Variants in PITPNM3 observed in about 807,000 individuals in gnomAD.
PITPNM3 encodes the protein membrane-associated phosphatidylinositol transfer protein 3.
Under a neutral mutation model 102.0 loss-of-function variants are expected in PITPNM3, and 26 were observed. The ratio of observed to expected loss-of-function variants is 0.25; its 90% CI spans 0.19 to 0.35. The LOEUF (loss-of-function observed/expected upper bound fraction) is 0.35, where lower values mean the gene tolerates loss of function less well. Among genes scored for constraint, PITPNM3 ranks in the 10% least tolerant of loss-of-function variants. The probability of loss-of-function intolerance (pLI) is 1.00; values close to 1 mark genes in which losing one functional copy is unlikely to be tolerated. For missense variants in PITPNM3, 1,083 were observed against 1,346.1 expected, an observed-to-expected ratio of 0.80 and a Z score of 3.06; for synonymous variants, 578 against 558.6, an observed-to-expected ratio of 1.03 and a Z score of -0.49.
At chr17:6,473,228 C>T in intron 10 of PITPNM3, 2 of 324,016 alleles carry the variant, frequency 6.2e-6, no homozygotes, top group South Asian at 5.4e-5. Flanking sequence ...GGTCAGCTGC[C>T]CCTTCCACAG....
At chr17:6,543,457 G>A (rs1003694736) in intron 1 of PITPNM3, among the ~76,000 whole-genome samples, 27 of 152,274 alleles carry the variant, frequency 1.8e-4, no homozygotes, top group African/African-American at 5.8e-4. Flanking sequence ...GTCCTCAGGC[G>A]AAGGGAGATG....
rs58283124 is a variant in PITPNM3 at position 6,457,072 on chromosome 17, G to GCC, written c.2619+520_2619+521dup. 1.2e-4 allele frequency among the ~76,000 whole-genome samples: 18 copies of GCC among 149,828 alleles called. No homozygotes were observed. Among genetic ancestry groups the GCC allele is most frequent in the South Asian group, 6.4e-4 (3 of 4,674 alleles). ...TGGCCGCACTGACCGTTCTAGCCCCGCCCCCCCACCTCCCAGCTCACGTCC... is the reference window on the plus strand; with the variant it reads ...TGGCCGCACTGACCGTTCTAGCCCCGCCCCCCCCCACCTCCCAGCTCACGTCC... On this transcript the variant is annotated intron_variant, in intron 19 of 19. Transcript: ENST00000262483. The surrounding 1 kb of genome is among the most constrained non-coding windows in gnomAD (Gnocchi z 4.7).
At chr17:6,535,615 A>C (rs1311059437) in intron 2 of PITPNM3, among the ~76,000 whole-genome samples, 1 of 152,020 alleles carries the variant, frequency 6.6e-6, no homozygotes, top group Non-Finnish European at 1.5e-5. Context: ...TCCCGAAAAA[A>C]GGGAGAAGAA....
In PITPNM3 at chr17:6,463,832, T is replaced by A. The variant is rs1382672138; in HGVS notation, c.2206A>T (p.Met736Leu). ...MSYLTVLPRG[M>L]ECVVFSIDGS... is the part of the protein sequence containing the mutation. ...TCAATGCTGAACACTACACACTCCATGCCCCTGGGCAACACCGTGAGGTAG... is the reference window on the plus strand; with the variant it reads ...TCAATGCTGAACACTACACACTCCAAGCCCCTGGGCAACACCGTGAGGTAG... Residue 736 changes from methionine to leucine, a missense_variant, in exon 17 of 20, where the codon ATG becomes TTG. By Grantham distance (15) the Met-to-Leu change is conservative. Transcript: ENST00000262483. The A allele has an allele frequency of 6.2e-7, 1 of 1,613,858 alleles. No homozygotes were observed. The highest frequency in any genetic ancestry group is 1.7e-5 in the Admixed American group (1 of 60,000).
intron 3 of PITPNM3, chr17:6,521,206 G>A (rs1445639415): frequency 6.6e-6 from 1 of 152,300 alleles, no homozygotes; most frequent in Non-Finnish European, 1.5e-5. Context: ...GAGGTCAGGA[G>A]TTCAAGACTA....
chr17:6,554,970 C>T (rs562962094), intron 1 of PITPNM3, among the ~76,000 whole-genome samples: 1 of 152,282 alleles, frequency 6.6e-6, no homozygotes, highest in South Asian at 2.1e-4. Context: ...CGTCCCAGTG[C>T]ACACACACAC....
At chr17:6,463,632 T>C (rs1904608282) in intron 17 of PITPNM3, 100 bp downstream of exon 17, 2 of 1,486,114 alleles carry the variant, frequency 1.3e-6, no homozygotes, top group South Asian at 2.4e-5. Context: ...CAGAGACCGG[T>C]AGAATTCCTA....
chr17:6,486,349 C>T (rs529690604), intron 4 of PITPNM3, among the ~76,000 whole-genome samples: 61 of 152,296 alleles, frequency 4.0e-4, no homozygotes, highest in African/African-American at 1.4e-3. Flanking sequence ...CTGCTGCTCC[C>T]CTCTAGGAGT....
At chr17:6,534,769 T>C (rs1909323901) in intron 2 of PITPNM3, among the ~76,000 whole-genome samples, 1 of 152,078 alleles carries the variant, frequency 6.6e-6, no homozygotes, top group Non-Finnish European at 1.5e-5. Context: ...CTCTGGTCAT[T>C]TTTGTATCAG....
intron 4 of PITPNM3, among the ~76,000 whole-genome samples, chr17:6,501,211 G>A (rs1268678326): frequency 6.6e-6 from 1 of 152,158 alleles, no homozygotes; most frequent in Non-Finnish European, 1.5e-5. Flanking sequence ...TGCTCAGAAG[G>A]GGAGATGATT....
chr17:6,456,428 C>T (rs73346333), intron 19 of PITPNM3, among the ~76,000 whole-genome samples: 10,040 of 152,180 alleles, frequency 0.066, 601 homozygotes, highest in East Asian at 0.17. Flanking sequence ...TTTCTGAGCC[C>T]TGCGACTGCC....
chr17:6,530,888 C>T (rs1345608926), intron 2 of PITPNM3, among the ~76,000 whole-genome samples: 1 of 152,204 alleles, frequency 6.6e-6, no homozygotes, highest in African/African-American at 2.4e-5. Flanking sequence ...CAGAGCCTTG[C>T]AAGGCCATGG....
At chr17:6,497,797 C>T (rs572220363) in intron 4 of PITPNM3, among the ~76,000 whole-genome samples, 2 of 152,338 alleles carry the variant, frequency 1.3e-5, no homozygotes, top group Admixed American at 6.5e-5. Context: ...ACTTCAAGGG[C>T]CACAATAGAC....
Position 6,462,119 on chromosome 17 carries a change from G to A in PITPNM3, c.2307-563C>T, listed in dbSNP as rs572773498. On this transcript the variant is annotated intron_variant, in intron 17 of 19. Coordinates refer to ENST00000262483, the MANE Select transcript of PITPNM3 (RefSeq NM_031220.4). ...TCCCACGGTTTCAGTTTCCCCCTCTGTAAAATGGGCATAATAATATGAACT... is the reference window on the plus strand; with the variant it reads ...TCCCACGGTTTCAGTTTCCCCCTCTATAAAATGGGCATAATAATATGAACT... Among the ~76,000 whole-genome samples, 4 of 152,224 alleles carry A rather than the reference G, an allele frequency of 2.6e-5. No homozygotes were observed. In the East Asian group the frequency reaches 7.7e-4, roughly 29 times the overall value.
chr17:6,494,007 C>G (rs1004845441), intron 4 of PITPNM3, among the ~76,000 whole-genome samples: 1 of 152,200 alleles, frequency 6.6e-6, no homozygotes, highest in South Asian at 2.1e-4. Context: ...AATCCCAAAC[C>G]CTGGTGTTCC....
In PITPNM3 at chr17:6,469,900, G is replaced by A. The variant is rs920672574; in HGVS notation, c.1773+360C>T. On this transcript the variant is annotated intron_variant, in intron 13 of 19. Transcript: ENST00000262483. This position sits in a 1 kb window ranked among gnomAD's most constrained non-coding sequence, Gnocchi z 4.0. ...CTCCCCACCAGGCTCTCCTTCTGGC[G>A]CCGGCCTTTCTGCTATACCTTCTGT... 2.6e-5 allele frequency among the ~76,000 whole-genome samples: 4 copies of A among 152,222 alleles called. No individual in the cohort carries two copies. Among genetic ancestry groups the A allele is most frequent in the Middle Eastern group, 3.4e-3 (1 of 294 alleles).
rs1217131065 is a variant in PITPNM3, at chr17:6,455,562, T to G, written c.2701A>C (p.Met901Leu). The G allele has an allele frequency of 1.2e-6, 2 of 1,602,010 alleles. No individual in the cohort carries two copies. Among genetic ancestry groups the G allele is most frequent in the Non-Finnish European group, 1.7e-6 (2 of 1,179,238 alleles). Residue 901 changes from methionine (M) to leucine (L), a missense_variant, in exon 20 of 20, where the codon ATG (methionine) becomes CTG (leucine). By Grantham distance (15) the Met-to-Leu change is conservative. Transcript: ENST00000262483. ...CCGAAGCTGCCCTTGCGCAGGATCA[T>G]GCGCGAGTTGTTCTTCTTTGGGCGT... The part of the protein sequence containing the change: ...RSRPKKNNSR[M>L]ILRKGSFGLH...
intron 3 of PITPNM3, among the ~76,000 whole-genome samples, chr17:6,518,392 TC>T (rs1292022739): frequency 1.4e-5 from 2 of 139,680 alleles, no homozygotes; most frequent in Admixed American, 7.4e-5. Flanking sequence ...GAAAAGATTA[TC>T]CCCCCAAAAA....
Position 6,483,505 on chromosome 17 carries a change from A to G in PITPNM3, c.587+12T>C. ...AACCCCAACCAGTTCAAACAAGCAG[A>G]AATGGACTCACTGAGAGACAAGCGA... On this transcript the variant is annotated intron_variant, in intron 6 of 19. Transcript: ENST00000262483. 1 of 1,609,760 alleles carries G rather than the reference A, an allele frequency of 6.2e-7. No individual in the cohort carries two copies. Among genetic ancestry groups the G allele is most frequent in the Non-Finnish European group, 8.5e-7 (1 of 1,177,302 alleles).
Sources: allele counts gnomAD v4.1 joint callset (sites outside exome capture counted in the v4.1 genomes callset), GRCh38; gene constraint gnomAD v4.1.1; non-coding constraint Gnocchi (gnomAD v3.1); transcripts MANE v1.5; gene names NCBI Gene and HGNC (gene_info 2026-07-23, HGNC 2026-07-21).